DCDC1: variants seen among roughly 807,000 people sequenced by gnomAD.
DCDC1 encodes doublecortin domain containing 1.
In DCDC1, 200 loss-of-function variants were observed where a neutral mutation model predicts 178.3. That is an observed-to-expected ratio of 1.12 (90% CI 1.00 to 1.26). The LOEUF is 1.26. Ranked by LOEUF, DCDC1 falls within the 50% of genes most tolerant of loss-of-function variation. The pLI, the probability that DCDC1 is intolerant of heterozygous loss-of-function variation, is 0.00. For synonymous variants in DCDC1, 690 were observed against 604.8 expected, an observed-to-expected ratio of 1.14 and a Z score of -2.07; for missense variants, 1,983 against 1,749.2, an observed-to-expected ratio of 1.13 and a Z score of -2.38.
chr11:30,946,862 A>G (rs1383522653), intron 21 of DCDC1, among the ~76,000 whole-genome samples: 1 of 152,184 alleles, frequency 6.6e-6, no homozygotes. Context: ...ATCTGGATGG[A>G]ATTTGGTCTT....
At chr11:31,257,072 G>A (rs958786345) in intron 8 of DCDC1, among the ~76,000 whole-genome samples, 2 of 152,176 alleles carry the variant, frequency 1.3e-5, no homozygotes, top group African/African-American at 4.8e-5. Context: ...CTGCTTTTCT[G>A]TATCTTGAAG....
chr11:30,949,026 C>T (rs1406272171), intron 21 of DCDC1, among the ~76,000 whole-genome samples: 2 of 152,176 alleles, frequency 1.3e-5, no homozygotes, highest in Admixed American at 1.3e-4. Context: ...AACTAAAGAG[C>T]TTCTGCAAAG....
intron 20 of DCDC1, among the ~76,000 whole-genome samples, chr11:30,981,931 T>C (rs960072101): frequency 6.6e-6 from 1 of 152,154 alleles, no homozygotes; most frequent in Non-Finnish European, 1.5e-5. Flanking sequence ...GGATAAGCCG[T>C]AAAAACAATC....
chr11:30,984,783 T>C (rs891031471), intron 20 of DCDC1, among the ~76,000 whole-genome samples: 5 of 152,158 alleles, frequency 3.3e-5, no homozygotes, highest in African/African-American at 1.2e-4. Flanking sequence ...CTGTCTCTCA[T>C]AGAAGTAAAT....
At chr11:30,881,356 T>C (rs751982300) in intron 36 of DCDC1, 48 bp from the exon 37 acceptor site, 4 of 1,584,418 alleles carry the variant, frequency 2.5e-6, no homozygotes, top group Non-Finnish European at 3.4e-6. Context: ...TGGCACAATA[T>C]GATCATGTAT....
Position 31,366,164 on chromosome 11 carries a change from G to GT in DCDC1, c.-125+3532dup, listed in dbSNP as rs1420223296. On this transcript the variant is annotated intron_variant, in intron 1 of 38. Coordinates refer to ENST00000684477, the MANE Select transcript of DCDC1 (RefSeq NM_001387274.1). ...AGAGATGAATTAAGTTCACATAGCC[G>GT]TAAGAGGAAAAGCCTGGACTAAACA... is the stretch of plus-strand genomic sequence containing the variant. 4.6e-5 allele frequency among the ~76,000 whole-genome samples: 7 copies of GT among 152,276 alleles called. No homozygotes were observed. The South Asian group carries it at 1.5e-3, about 32-fold the overall frequency.
chr11:31,127,914 CAT>C (rs1445028634), intron 10 of DCDC1, among the ~76,000 whole-genome samples: 8 of 152,060 alleles, frequency 5.3e-5, no homozygotes, highest in Non-Finnish European at 1.0e-4. Context: ...TGAAAAGAAA[CAT>C]ATACATTTGA....
chr11:31,315,327 TTTTTTTTTG>T (rs1949019546), intron 3 of DCDC1, among the ~76,000 whole-genome samples: 1 of 128,956 alleles, frequency 7.8e-6, no homozygotes, highest in African/African-American at 3.0e-5. Context: ...TTTTTTTTTT[TTTTTTTTTG>T]AGACAGAGTC....
At chr11:30,979,100 T>G (rs1316746048) in intron 20 of DCDC1, among the ~76,000 whole-genome samples, 1 of 152,024 alleles carries the variant, frequency 6.6e-6, no homozygotes, top group Non-Finnish European at 1.5e-5. Context: ...CCTATTAATA[T>G]AAGAAATTTG....
At chr11:30,983,138 A>T (rs1950474842) in intron 20 of DCDC1, among the ~76,000 whole-genome samples, 2 of 152,184 alleles carry the variant, frequency 1.3e-5, no homozygotes, top group Admixed American at 1.3e-4. Context: ...ACAATGCCAT[A>T]AACATGGAAC....
At position 31,106,901 on chromosome 11, in the gene DCDC1, A is replaced by C; in HGVS notation, c.1647T>G (p.Asn549Lys). 1 of 766,154 alleles carries C rather than the reference A, an allele frequency of 1.3e-6. No individual in the cohort carries two copies. Among genetic ancestry groups the C allele is most frequent in the South Asian group, 1.3e-5 (1 of 74,618 alleles). The allele number at this position is 766,154 out of a possible 1,614,324, so 47.5% of individuals were successfully genotyped here. The change falls in exon 13 of 39, where the codon AAT becomes AAG. Residue 549 changes from asparagine (N) to lysine (K), a missense_variant. Transcript: ENST00000684477. ...QGSSINPPGL[N>K]YSSMRLFDEN... Reference sequence around the variant, plus strand: ...CATCAAAAAGCCGCATTGAAGAATAATTGAGGCCTGGTGGGTTGATGGAAG... The same window carrying C: ...CATCAAAAAGCCGCATTGAAGAATACTTGAGGCCTGGTGGGTTGATGGAAG...
At chr11:31,369,010 C>T (rs1952126868) in intron 1 of DCDC1, among the ~76,000 whole-genome samples, 2 of 152,134 alleles carry the variant, frequency 1.3e-5, no homozygotes, top group Admixed American at 1.3e-4. Flanking sequence ...ATATGCAGTG[C>T]CCCCTAACTG....
rs571556825 is a variant in DCDC1 at position 31,165,380 on chromosome 11, G to C, written c.1222-27596C>G. 2.6e-5 allele frequency among the ~76,000 whole-genome samples: 4 copies of C among 152,016 alleles called. No individual in the cohort carries two copies. The East Asian group carries it at 7.7e-4, about 29-fold the overall frequency. ...GGGTCTTGCTCTGTCACCCAGACTG[G>C]AGTGCAGTGGCGTGATCACAGCTCA... On this transcript the variant is annotated intron_variant, in intron 9 of 38. Coordinates refer to ENST00000684477, the MANE Select transcript of DCDC1 (RefSeq NM_001387274.1).
intron 9 of DCDC1, among the ~76,000 whole-genome samples, chr11:31,198,512 G>A (rs1210966732): frequency 6.6e-6 from 1 of 151,846 alleles, no homozygotes; most frequent in Non-Finnish European, 1.5e-5. Context: ...TTATTATTTG[G>A]GGAATTCATG....
chr11:30,884,386 G>A (rs1447672580), intron 36 of DCDC1, among the ~76,000 whole-genome samples: 1 of 151,530 alleles, frequency 6.6e-6, no homozygotes, highest in Non-Finnish European at 1.5e-5. Flanking sequence ...TTTTTGTTAC[G>A]AATTTTTTTT....
At position 31,133,767 on chromosome 11, in the gene DCDC1, G is replaced by A. The variant is rs1025817759; in HGVS notation, c.1314+3925C>T. 1.2e-4 allele frequency among the ~76,000 whole-genome samples: 18 copies of A among 152,140 alleles called. 1 individual carries two copies. Among genetic ancestry groups the A allele is most frequent in the Middle Eastern group, 6.8e-3 (2 of 294 alleles). On this transcript the variant is annotated intron_variant, in intron 10 of 38. Transcript: ENST00000684477. ...CGCCCAGGCTGGAGTGCAGTGGCAC[G>A]AACTCGGCTCACTGCAACTTCCACC...
intron 34 of DCDC1, among the ~76,000 whole-genome samples, chr11:30,897,076 T>C (rs1055658368): frequency 1.3e-5 from 2 of 152,182 alleles, no homozygotes; most frequent in South Asian, 2.1e-4. Flanking sequence ...TCTCACCAGC[T>C]AGAAAAAGGC....
At chr11:30,993,807 C>A (rs908117872) in intron 20 of DCDC1, among the ~76,000 whole-genome samples, 4 of 152,016 alleles carry the variant, frequency 2.6e-5, no homozygotes, top group Admixed American at 6.6e-5. Context: ...CATTTGTAGT[C>A]AAAATTTTTC....
intron 20 of DCDC1, among the ~76,000 whole-genome samples, chr11:31,063,341 C>T (rs1305344887): frequency 6.6e-6 from 1 of 152,006 alleles, no homozygotes; most frequent in Non-Finnish European, 1.5e-5. Flanking sequence ...CCCAGCCATC[C>T]CATTATTGGG....
Sources: gnomAD v4.1 joint callset for allele counts (sites outside exome capture counted in the v4.1 genomes callset) on GRCh38, gnomAD v4.1.1 for gene constraint, MANE v1.5 for transcripts, NCBI Gene and HGNC (gene_info 2026-07-23, HGNC 2026-07-21) for gene names.